Variants in KMT2C observed in about 807,000 individuals in gnomAD.
KMT2C encodes lysine methyltransferase 2C, also known as histone-lysine N-methyltransferase 2C.
In KMT2C, 88 loss-of-function variants were observed where a neutral mutation model predicts 507.9. That is an observed-to-expected ratio of 0.17 (90% CI 0.15 to 0.21). The LOEUF is 0.21. Ranked by LOEUF, KMT2C falls within the 10% of genes least tolerant of loss-of-function variation. The pLI is 1.00. For synonymous variants in KMT2C, 2,049 were observed against 2,080.8 expected (o/e 0.98, Z 0.42); for missense variants, 4,954 against 5,957.8 (o/e 0.83, Z 5.55).
chr7:152,354,032 C>G (rs2097133974), intron 2 of KMT2C, among the ~76,000 whole-genome samples: 1 of 152,108 alleles, frequency 6.6e-6, no homozygotes, highest in African/African-American at 2.4e-5. Flanking sequence ...TCTCCTTGCC[C>G]TATGTTCACT....
At chr7:152,243,405 T>C (rs1369631537) in intron 14 of KMT2C, among the ~76,000 whole-genome samples, 4 of 152,222 alleles carry the variant, frequency 2.6e-5, no homozygotes, top group Non-Finnish European at 4.4e-5. Flanking sequence ...ACTCTTCTTA[T>C]AATATAAAGT....
intron 2 of KMT2C, among the ~76,000 whole-genome samples, chr7:152,354,767 C>T (rs1166170007): frequency 1.3e-5 from 2 of 152,038 alleles, no homozygotes; most frequent in Non-Finnish European, 2.9e-5. Context: ...AGGATGGAGC[C>T]CAGTGAACAA....
chr7:152,294,390 G>A (rs751595689), intron 6 of KMT2C, among the ~76,000 whole-genome samples: 3 of 152,140 alleles, frequency 2.0e-5, no homozygotes, highest in Non-Finnish European at 4.4e-5. Context: ...AACATGACCT[G>A]GGGAAGAAGT....
At chr7:152,222,337 C>A (rs1007475073) in intron 21 of KMT2C, among the ~76,000 whole-genome samples, 69 of 152,106 alleles carry the variant, frequency 4.5e-4, no homozygotes, top group African/African-American at 1.6e-3. Flanking sequence ...TCCTTGGAAG[C>A]AAAATTATAG....
chr7:152,192,292 C>T (rs2093821576), intron 31 of KMT2C, among the ~76,000 whole-genome samples: 1 of 152,140 alleles, frequency 6.6e-6, no homozygotes, highest in African/African-American at 2.4e-5. Context: ...CCTGTAATCC[C>T]AGCACTTTGG....
chr7:152,355,992 A>G (rs1287440933), intron 2 of KMT2C, among the ~76,000 whole-genome samples: 1 of 152,124 alleles, frequency 6.6e-6, no homozygotes, highest in Non-Finnish European at 1.5e-5. Flanking sequence ...GGACAACTGC[A>G]GAACCAAAGT....
At chr7:152,302,717 C>G (rs1285505510) in intron 6 of KMT2C, among the ~76,000 whole-genome samples, 1 of 152,062 alleles carries the variant, frequency 6.6e-6, no homozygotes. Flanking sequence ...ACTCAGCTCA[C>G]TACAACCTCC....
chr7:152,169,224 G>C lies in KMT2C; in HGVS notation c.9479C>G (p.Ser3160Cys). 1 of 1,599,906 alleles carries C rather than the reference G, an allele frequency of 6.3e-7. No homozygotes were observed. The highest frequency in any genetic ancestry group is 1.1e-5 in the South Asian group (1 of 90,748). The change falls in exon 41 of 59, where the codon TCT (serine) becomes TGT (cysteine). Residue 3160 changes from serine to cysteine, a missense_variant. Around this residue, in one of 29 missense-constraint regions of KMT2C, gnomAD observed 71 missense variants for 139.2 expected, o/e 0.51. Coordinates refer to ENST00000262189, the MANE Select transcript of KMT2C (RefSeq NM_170606.3). ...PQDGSITHQISRPNPPNFGPG... is the reference protein window; with the variant it reads ...PQDGSITHQICRPNPPNFGPG... ...ACCAAAATTTGGAGGATTAGGCCTA[G>C]AAATCTGATGTGTTATACTGCCATC...
chr7:152,415,336 A>G, intron 1 of KMT2C, among the ~76,000 whole-genome samples: 1 of 133,276 alleles, frequency 7.5e-6, no homozygotes. Flanking sequence ...TGCTTTGTTT[A>G]CCTATCTACA....
intron 3 of KMT2C, among the ~76,000 whole-genome samples, chr7:152,317,564 G>T (rs2096732406): frequency 6.6e-6 from 1 of 152,182 alleles, no homozygotes; most frequent in Admixed American, 6.5e-5. Flanking sequence ...ATACCAGCAG[G>T]GTGATAAGAA....
intron 42 of KMT2C, among the ~76,000 whole-genome samples, chr7:152,166,220 G>C (rs2092721344): frequency 6.8e-6 from 1 of 148,050 alleles, no homozygotes; most frequent in African/African-American, 2.5e-5. Flanking sequence ...ACTCCTTGGT[G>C]CAGGGATTCT....
chr7:152,263,186 A>G (rs1588694585), intron 8 of KMT2C, 56 bp from the exon 9 acceptor site: 5 of 1,436,814 alleles, frequency 3.5e-6, no homozygotes, highest in African/African-American at 1.4e-5. Flanking sequence ...GTTTTGTAAC[A>G]TAAGTAATCA....
intron 38 of KMT2C, among the ~76,000 whole-genome samples, chr7:152,175,476 A>AT (rs2093161967): frequency 7.6e-6 from 1 of 131,480 alleles, no homozygotes. Context: ...CTAGCCCCCC[A>AT]CCCCCGACAG....
At chr7:152,206,700 T>A (rs2094318199) in intron 24 of KMT2C, among the ~76,000 whole-genome samples, 1 of 152,198 alleles carries the variant, frequency 6.6e-6, no homozygotes, top group Non-Finnish European at 1.5e-5. Flanking sequence ...CTACAACTTC[T>A]GTATTGTGAC....
At chr7:152,216,590 G>C (rs1280708421) in intron 23 of KMT2C, among the ~76,000 whole-genome samples, 4 of 152,060 alleles carry the variant, frequency 2.6e-5, no homozygotes, top group South Asian at 2.1e-4. Flanking sequence ...TTTTAATAAA[G>C]GAAACTGTCA....
At chr7:152,410,212 C>G (rs1182210693) in intron 1 of KMT2C, among the ~76,000 whole-genome samples, 5 of 152,202 alleles carry the variant, frequency 3.3e-5, no homozygotes, top group Non-Finnish European at 7.3e-5. Context: ...CAATTCAAGA[C>G]CAGCCTGACC....
chr7:152,205,282 G>C lies in KMT2C; in HGVS notation c.3842-57C>G, dbSNP rs762737480. On this transcript the variant is annotated intron_variant, in intron 24 of 58. Coordinates refer to ENST00000262189, the MANE Select transcript of KMT2C (RefSeq NM_170606.3). ...AGTAATTTCTCCCTACATTTCCACA[G>C]TACACAGGATAAAACTGCTTTATCT... The C allele has an allele frequency of 2.7e-6, 4 of 1,470,378 alleles. No homozygotes were observed. The African/African-American group carries it at 5.7e-5, about 21-fold the overall frequency. 91.1% of individuals were successfully genotyped at this position (1,470,378 alleles called of 1,614,324 possible). A position where few individuals can be genotyped will look rare whatever the true frequency, so the allele number is the denominator to read the frequency against.
At chr7:152,347,068 G>A (rs957652071) in intron 2 of KMT2C, among the ~76,000 whole-genome samples, 5 of 152,166 alleles carry the variant, frequency 3.3e-5, no homozygotes, top group African/African-American at 1.2e-4. Context: ...AGGCTGCAGT[G>A]AGCCAAGATC....
chr7:152,343,453 A>G (rs1255615378), intron 2 of KMT2C, among the ~76,000 whole-genome samples: 1 of 151,068 alleles, frequency 6.6e-6, no homozygotes, highest in Non-Finnish European at 1.5e-5. Context: ...AGACTGGGAA[A>G]AAAAAAAAAA....
Sources: gnomAD v4.1 joint callset for allele counts (sites outside exome capture counted in the v4.1 genomes callset) on GRCh38, gnomAD v4.1.1 for gene constraint, gnomAD v4.1.1 regional missense constraint, MANE v1.5 for transcripts, NCBI Gene and HGNC (gene_info 2026-07-23, HGNC 2026-07-21) for gene names.